The following IRX3 variants were observed in gnomAD, a reference collection of about 807,000 sequenced individuals.
The protein encoded by IRX3 is iroquois homeobox 3.
A neutral mutation model predicts 36.4 loss-of-function variants in IRX3; 20 were observed. That is an observed-to-expected ratio of 0.55 (90% CI 0.39 to 0.80). IRX3 has a LOEUF of 0.80. Ranked by LOEUF, IRX3 falls within the 30% of genes least tolerant of loss-of-function variation. The probability of loss-of-function intolerance (pLI) is 0.00; values close to 1 mark genes in which losing one functional copy is unlikely to be tolerated. For missense variants in IRX3, 718 were observed against 733.2 expected, an observed-to-expected ratio of 0.98 and a Z score of 0.24; for synonymous variants, 404 against 351.6, an observed-to-expected ratio of 1.15 and a Z score of -1.67.
In IRX3 at chr16:54,285,368, G is replaced by T. The variant is rs770910911; in HGVS notation, c.513C>A (p.Leu171=). The change falls in exon 2 of 4, where the codon CTC becomes CTA. Residue 171 remains leucine, a synonymous_variant. Coordinates refer to ENST00000329734, the MANE Select transcript of IRX3 (RefSeq NM_024336.3). This position sits in a 1 kb window ranked among gnomAD's most constrained non-coding sequence, Gnocchi z 5.7. The part of the protein sequence containing the change: ...IMLAIITKMT[L]TQVSTWFANA... Reference sequence around the variant, plus strand: ...TGGCGAACCAGGTGGACACCTGGGTGAGGGTCATCTTGGTGATGATGGCCA... The same window carrying T: ...TGGCGAACCAGGTGGACACCTGGGTTAGGGTCATCTTGGTGATGATGGCCA... 3.1e-6 allele frequency: 5 copies of T among 1,614,194 alleles called. No homozygotes were observed. The South Asian group carries it at 5.5e-5, about 18-fold the overall frequency.
chr16:54,285,050 A>T lies in IRX3; in HGVS notation c.831T>A (p.Asp277Glu), dbSNP rs773777305. 4 of 1,613,292 alleles carry T rather than the reference A, an allele frequency of 2.5e-6. No homozygotes were observed. Among genetic ancestry groups the T allele is most frequent in the Non-Finnish European group, 1.7e-6 (2 of 1,179,804 alleles). The change falls in exon 2 of 4, where the codon GAT (aspartate) becomes GAA (glutamate). Residue 277 changes from aspartate (D) to glutamate (E), a missense_variant. By Grantham distance (45) the Asp-to-Glu change is conservative (BLOSUM62 2). This residue lies in a region of IRX3 where 468 missense variants were observed against 462.1 expected (regional missense o/e 1.01). Transcript: ENST00000329734. The surrounding 1 kb of genome is among the most constrained non-coding windows in gnomAD (Gnocchi z 5.7). ...ELSLAGAARR[D>E]GDLGLGPISD... ...AAATGGGTCCCAGGCCTAGGTCGCC[A>T]TCCCTGCGCGCCGCCCCAGCCAGGG...
At position 54,284,390 on chromosome 16, in the gene IRX3, T is replaced by G; in HGVS notation, c.1385-78A>C. 6.7e-7 allele frequency: 1 copy of G among 1,497,966 alleles called. No individual in the cohort carries two copies. Among genetic ancestry groups the G allele is most frequent in the Non-Finnish European group, 8.9e-7 (1 of 1,129,482 alleles). The allele number at this position is 1,497,966 out of a possible 1,614,324, so 92.8% of individuals were successfully genotyped here. ...CGCCCAGGGCCGCAGAAAGCAGGAG[T>G]GGAGAGGGACGCGCGCCCTGCGCCC... is the stretch of plus-strand genomic sequence containing the variant. On this transcript the variant is annotated intron_variant, in intron 2 of 3. Transcript: ENST00000329734. The surrounding 1 kb of genome is among the most constrained non-coding windows in gnomAD (Gnocchi z 4.0).
rs750659538 is a variant in IRX3 at position 54,284,229 on chromosome 16, A to G, written c.1451+17T>C. On this transcript the variant is annotated intron_variant, in intron 3 of 3. Transcript: ENST00000329734. This position sits in a 1 kb window ranked among gnomAD's most constrained non-coding sequence, Gnocchi z 4.0. ...GCCAGCCAGTCCCCCTGGCCCCTCA[A>G]CCTCGGGGTTTCTTACCGCCTGGGC... is the stretch of plus-strand genomic sequence containing the variant. The G allele has an allele frequency of 2.5e-6, 4 of 1,607,356 alleles. No individual in the cohort carries two copies. The highest frequency in any genetic ancestry group is 2.2e-5 in the South Asian group (2 of 90,364).
At position 54,285,480 on chromosome 16, in the gene IRX3, G is replaced by A; in HGVS notation, c.401C>T (p.Ala134Val). The stretch of plus-strand genomic sequence containing the variant: ...CAGCGTGCTGGTGCTCTCCCTGGTG[G>A]CGTTCTTGGGACGGGACGGGTCCCC... ...QFGDPSRPKN[A>V]TRESTSTLKA... Residue 134 changes from alanine to valine, a missense_variant, in exon 2 of 4, where the codon GCC (alanine) becomes GTC (valine). Around this residue, in one of 3 missense-constraint regions of IRX3, gnomAD observed 46 missense variants for 89.7 expected, o/e 0.51. Coordinates refer to ENST00000329734, the MANE Select transcript of IRX3 (RefSeq NM_024336.3). This position sits in a 1 kb window ranked among gnomAD's most constrained non-coding sequence, Gnocchi z 5.7. The A allele has an allele frequency of 6.2e-7, 1 of 1,614,178 alleles. No homozygotes were observed. Among genetic ancestry groups the A allele is most frequent in the Non-Finnish European group, 8.5e-7 (1 of 1,180,040 alleles).
Position 54,284,489 on chromosome 16 carries a change from GCAGTCA to G in IRX3, c.1384+2_1384+7del. On this transcript the variant is annotated splice_donor_variant and splice_donor_5th_base_variant and intron_variant, in intron 2 of 3. Coordinates refer to ENST00000329734, the MANE Select transcript of IRX3 (RefSeq NM_024336.3). LOFTEE classifies it high-confidence loss of function. The surrounding 1 kb of genome is among the most constrained non-coding windows in gnomAD (Gnocchi z 4.0). Reference sequence around the variant, plus strand: ...GCCCCCGCTCCGCGCCCAGCGCTCAGCAGTCACCTGTTCCGCCTTCGGGCTCCGCTG... The same window carrying G: ...GCCCCCGCTCCGCGCCCAGCGCTCAGCCTGTTCCGCCTTCGGGCTCCGCTG... 3 of 1,402,154 alleles carry G rather than the reference GCAGTCA, an allele frequency of 2.1e-6. No individual in the cohort carries two copies. The highest frequency in any genetic ancestry group is 2.7e-6 in the Non-Finnish European group (3 of 1,091,422). The allele number at this position is 1,402,154 out of a possible 1,614,324, so 86.9% of individuals were successfully genotyped here.
In IRX3 at chr16:54,283,625, T is replaced by G; in HGVS notation, c.*61A>C. On this transcript the variant is annotated 3_prime_UTR_variant, in exon 4 of 4. Transcript: ENST00000329734. The surrounding 1 kb of genome is among the most constrained non-coding windows in gnomAD (Gnocchi z 4.4). Reference sequence around the variant, plus strand: ...TTGTAACTATACAGAGCGATTTTTTTTATACAATTATTACAACGATTAAAA... The same window carrying G: ...TTGTAACTATACAGAGCGATTTTTTGTATACAATTATTACAACGATTAAAA... 1.2e-6 allele frequency: 1 copy of G among 805,766 alleles called. No homozygotes were observed. Among genetic ancestry groups the G allele is most frequent in the Middle Eastern group, 3.5e-4 (1 of 2,886 alleles). 49.9% of individuals were successfully genotyped at this position (805,766 alleles called of 1,614,324 possible). A position where few individuals can be genotyped will look rare whatever the true frequency, so the allele number is the denominator to read the frequency against.
In IRX3 at chr16:54,285,131, CTCGTCG is replaced by C. The variant is rs760761000; in HGVS notation, c.744_749del (p.Asp248_Asp249del). 8.1e-6 allele frequency: 13 copies of C among 1,612,786 alleles called. No homozygotes were observed. The South Asian group carries it at 1.2e-4, about 15-fold the overall frequency. ...AGTTCTCCAAATCGATCTCCTCGTC[CTCGTCG>C]TCGTCAGCCAGGCCCTCGCCCCCCG... On this transcript the variant is annotated inframe_deletion, in exon 2 of 4. Transcript: ENST00000329734. This position sits in a 1 kb window ranked among gnomAD's most constrained non-coding sequence, Gnocchi z 5.7.
At position 54,285,996 on chromosome 16, in the gene IRX3, G is replaced by A. The variant is rs1465204775; in HGVS notation, c.55C>T (p.Arg19Cys). The A allele has an allele frequency of 7.4e-7, 1 of 1,354,828 alleles. No homozygotes were observed. 83.9% of individuals were successfully genotyped at this position (1,354,828 alleles called of 1,614,324 possible). A position where few individuals can be genotyped will look rare whatever the true frequency, so the allele number is the denominator to read the frequency against. ...QYIRPLYPSERPGAAGGSGGS... is the reference protein window; with the variant it reads ...QYIRPLYPSECPGAAGGSGGS... ...CCGCTGCCGCCAGCGGCCCCCGGGC[G>A]CTCGGACGGGTAAAGCGGGCGGATG... The change falls in exon 1 of 4, where the codon CGC (arginine) becomes TGC (cysteine). Residue 19 changes from arginine (R) to cysteine (C), a missense_variant. Physicochemically the swap from Arg to Cys is radical, Grantham distance 180 (BLOSUM62 -3). Around this residue, in one of 3 missense-constraint regions of IRX3, gnomAD observed 204 missense variants for 181.4 expected, o/e 1.12. Transcript: ENST00000329734. This position sits in a 1 kb window ranked among gnomAD's most constrained non-coding sequence, Gnocchi z 5.7.
In IRX3 at chr16:54,284,036, C is replaced by G. The variant is rs1425848064; in HGVS notation, c.1451+210G>C. On this transcript the variant is annotated intron_variant, in intron 3 of 3. Coordinates refer to ENST00000329734, the MANE Select transcript of IRX3 (RefSeq NM_024336.3). The surrounding 1 kb of genome is among the most constrained non-coding windows in gnomAD (Gnocchi z 4.0). The stretch of plus-strand genomic sequence containing the variant: ...TAGAAGGTACAAGCGCTGTACCCTC[C>G]GGCCGCGCCTGGGGTGCCTGGGCTG... The G allele has an allele frequency of 1.5e-6, 2 of 1,347,192 alleles. No homozygotes were observed. The highest frequency in any genetic ancestry group is 5.8e-5 in the Admixed American group (2 of 34,468). 83.5% of individuals were successfully genotyped at this position (1,347,192 alleles called of 1,614,324 possible).
At position 54,286,016 on chromosome 16, in the gene IRX3, C is replaced by A. The variant is rs2144732776; in HGVS notation, c.35G>T (p.Arg12Leu). Residue 12 changes from arginine (R) to leucine (L), a missense_variant, in exon 1 of 4, where the codon CGC (arginine) becomes CTC (leucine). Arg to Leu is a moderately radical substitution (Grantham distance 102). This residue lies in a region of IRX3 where 204 missense variants were observed against 181.4 expected (regional missense o/e 1.12). Transcript: ENST00000329734. The stretch of plus-strand genomic sequence containing the variant: ...CGGGCGCTCGGACGGGTAAAGCGGG[C>A]GGATGTATTGGTATCCCAGCTGGGG... The part of the protein sequence containing the change: ...SFPQLGYQYI[R>L]PLYPSERPGA... 4.5e-6 allele frequency: 6 copies of A among 1,342,136 alleles called. No homozygotes were observed. Among genetic ancestry groups the A allele is most frequent in the African/African-American group, 1.6e-5 (1 of 64,478 alleles). The allele number at this position is 1,342,136 out of a possible 1,614,324, so 83.1% of individuals were successfully genotyped here. A position where few individuals can be genotyped will look rare whatever the true frequency, so the allele number is the denominator to read the frequency against.
chr16:54,286,013 G>C lies in IRX3; in HGVS notation c.38C>G (p.Pro13Arg), dbSNP rs1394365880. Reference sequence around the variant, plus strand: ...CCCCGGGCGCTCGGACGGGTAAAGCGGGCGGATGTATTGGTATCCCAGCTG... The same window carrying C: ...CCCCGGGCGCTCGGACGGGTAAAGCCGGCGGATGTATTGGTATCCCAGCTG... Reference protein sequence around the residue: ...FPQLGYQYIRPLYPSERPGAA... With the variant: ...FPQLGYQYIRRLYPSERPGAA... Residue 13 changes from proline to arginine, a missense_variant, in exon 1 of 4, where the codon CCG (proline) becomes CGG (arginine). Coordinates refer to ENST00000329734, the MANE Select transcript of IRX3 (RefSeq NM_024336.3). 7 of 1,343,980 alleles carry C rather than the reference G, an allele frequency of 5.2e-6. No individual in the cohort carries two copies. The highest frequency in any genetic ancestry group is 6.7e-6 in the Non-Finnish European group (7 of 1,051,026). 83.3% of individuals were successfully genotyped at this position (1,343,980 alleles called of 1,614,324 possible).
At position 54,286,010 on chromosome 16, in the gene IRX3, A is replaced by C. The variant is rs1327373728; in HGVS notation, c.41T>G (p.Leu14Arg). The C allele has an allele frequency of 7.4e-7, 1 of 1,345,928 alleles. No individual in the cohort carries two copies. The highest frequency in any genetic ancestry group is 9.5e-7 in the Non-Finnish European group (1 of 1,052,176). The allele number at this position is 1,345,928 out of a possible 1,614,324, so 83.4% of individuals were successfully genotyped here. A position where few individuals can be genotyped will look rare whatever the true frequency, so the allele number is the denominator to read the frequency against. ...PQLGYQYIRP[L>R]YPSERPGAAG... The stretch of plus-strand genomic sequence containing the variant: ...GGCCCCCGGGCGCTCGGACGGGTAA[A>C]GCGGGCGGATGTATTGGTATCCCAG... Residue 14 changes from leucine to arginine, a missense_variant, in exon 1 of 4, where the codon CTT (leucine) becomes CGT (arginine). Transcript: ENST00000329734.
chr16:54,286,039 G>C lies in IRX3; in HGVS notation c.12C>G (p.Pro4=), dbSNP rs1420741988. Residue 4 remains proline (P), a synonymous_variant, in exon 1 of 4, where the codon CCC becomes CCG. Coordinates refer to ENST00000329734, the MANE Select transcript of IRX3 (RefSeq NM_024336.3). MSF[P]QLGYQYIRPL... is the part of the protein sequence containing the mutation. Reference sequence around the variant, plus strand: ...GGCGGATGTATTGGTATCCCAGCTGGGGGAAGGACATGGTGGCCCGCGGGG... The same window carrying C: ...GGCGGATGTATTGGTATCCCAGCTGCGGGAAGGACATGGTGGCCCGCGGGG... The C allele has an allele frequency of 3.1e-6, 4 of 1,307,100 alleles. No homozygotes were observed. The highest frequency in any genetic ancestry group is 3.1e-5 in the African/African-American group (2 of 63,950). 81.0% of individuals were successfully genotyped at this position (1,307,100 alleles called of 1,614,324 possible).
Position 54,285,749 on chromosome 16 carries a change from C to A in IRX3, c.267+35G>T. 6.7e-7 allele frequency: 1 copy of A among 1,499,204 alleles called. No homozygotes were observed. Among genetic ancestry groups the A allele is most frequent in the South Asian group, 1.3e-5 (1 of 75,116 alleles). 92.9% of individuals were successfully genotyped at this position (1,499,204 alleles called of 1,614,324 possible). A position where few individuals can be genotyped will look rare whatever the true frequency, so the allele number is the denominator to read the frequency against. On this transcript the variant is annotated intron_variant, in intron 1 of 3. Transcript: ENST00000329734. This position sits in a 1 kb window ranked among gnomAD's most constrained non-coding sequence, Gnocchi z 5.7. ...GCTCAGCTCGCCCTGCGCCCCAGCG[C>A]CAACCCCTCCTTCCCTGGCTCCGCG...
Position 54,285,850 on chromosome 16 carries a change from G to A in IRX3, c.201C>T (p.Ala67=), listed in dbSNP as rs775963723. 1.5e-5 allele frequency: 23 copies of A among 1,545,370 alleles called. No homozygotes were observed. Among genetic ancestry groups the A allele is most frequent in the Admixed American group, 5.9e-5 (3 of 51,084 alleles). The change falls in exon 1 of 4, where the codon GCC becomes GCT. Residue 67 remains alanine (A), a synonymous_variant. Coordinates refer to ENST00000329734, the MANE Select transcript of IRX3 (RefSeq NM_024336.3). This position sits in a 1 kb window ranked among gnomAD's most constrained non-coding sequence, Gnocchi z 5.7. ...YGAPYAAAAA[A]AAAQGYGAFL... The stretch of plus-strand genomic sequence containing the variant: ...AGGCGCCGTAGCCTTGGGCGGCGGC[G>A]GCCGCAGCGGCCGCGGCGTAGGGCG...
chr16:54,284,233 C>T lies in IRX3; in HGVS notation c.1451+13G>A, dbSNP rs1304321669. On this transcript the variant is annotated intron_variant, in intron 3 of 3. Coordinates refer to ENST00000329734, the MANE Select transcript of IRX3 (RefSeq NM_024336.3). The surrounding 1 kb of genome is among the most constrained non-coding windows in gnomAD (Gnocchi z 4.0). ...GCCAGTCCCCCTGGCCCCTCAACCT[C>T]GGGGTTTCTTACCGCCTGGGCACGG... 6.2e-7 allele frequency: 1 copy of T among 1,609,122 alleles called. No individual in the cohort carries two copies.
At position 54,284,076 on chromosome 16, in the gene IRX3, T is replaced by TCGCAGGGC; in HGVS notation, c.1451+162_1451+169dup. Reference sequence around the variant, plus strand: ...TGCCTGGGCTGGACCTGGAGAGCTGTCGCAGGGCCGACAGGGGCGACTGAA... The same window carrying TCGCAGGGC: ...TGCCTGGGCTGGACCTGGAGAGCTGTCGCAGGGCCGCAGGGCCGACAGGGGCGACTGAA... On this transcript the variant is annotated intron_variant, in intron 3 of 3. Transcript: ENST00000329734. This position sits in a 1 kb window ranked among gnomAD's most constrained non-coding sequence, Gnocchi z 4.0. The TCGCAGGGC allele has an allele frequency of 8.7e-7, 1 of 1,149,702 alleles. No homozygotes were observed. Among genetic ancestry groups the TCGCAGGGC allele is most frequent in the Non-Finnish European group, 1.2e-6 (1 of 834,982 alleles). 71.2% of individuals were successfully genotyped at this position (1,149,702 alleles called of 1,614,324 possible). A position where few individuals can be genotyped will look rare whatever the true frequency, so the allele number is the denominator to read the frequency against.
Position 54,284,832 on chromosome 16 carries a change from C to T in IRX3, c.1049G>A (p.Trp350Ter), listed in dbSNP as rs1901278263. Residue 350 changes from tryptophan (W) to a stop codon, truncating the protein, a stop_gained, in exon 2 of 4, where the codon TGG (tryptophan) becomes TAG (stop). Transcript: ENST00000329734. LOFTEE classifies it high-confidence loss of function. This position sits in a 1 kb window ranked among gnomAD's most constrained non-coding sequence, Gnocchi z 4.0. ...PASALQKPKIWSLAETATSPD... is the reference protein window; with the variant it reads ...PASALQKPKI ...GCTTGTGGCAGTCTCCGCGAGGGAC[C>T]AGATCTTGGGCTTCTGCAGGGCGGA... 1.3e-6 allele frequency: 2 copies of T among 1,528,038 alleles called. No homozygotes were observed. The highest frequency in any genetic ancestry group is 1.4e-5 in the African/African-American group (1 of 72,620). 94.7% of individuals were successfully genotyped at this position (1,528,038 alleles called of 1,614,324 possible).
Position 54,285,713 on chromosome 16 carries a change from G to C in IRX3, c.267+71C>G. ...CTCCTGGCCTGCACCCCTCTAGTCC[G>C]GCCCCCGCGCGCTCAGCTCGCCCTG... is the stretch of plus-strand genomic sequence containing the variant. On this transcript the variant is annotated intron_variant, in intron 1 of 3. Transcript: ENST00000329734. This position sits in a 1 kb window ranked among gnomAD's most constrained non-coding sequence, Gnocchi z 5.7. The C allele has an allele frequency of 6.2e-6, 9 of 1,461,482 alleles. No homozygotes were observed. Among genetic ancestry groups the C allele is most frequent in the Non-Finnish European group, 8.1e-6 (9 of 1,114,630 alleles). The allele number at this position is 1,461,482 out of a possible 1,614,324, so 90.5% of individuals were successfully genotyped here. A position where few individuals can be genotyped will look rare whatever the true frequency, so the allele number is the denominator to read the frequency against.
Sources: allele counts gnomAD v4.1 joint callset, GRCh38; gene constraint gnomAD v4.1.1; regional missense constraint gnomAD v4.1.1; non-coding constraint Gnocchi (gnomAD v3.1); transcripts MANE v1.5; gene names NCBI Gene and HGNC (gene_info 2026-07-23, HGNC 2026-07-21).